The following GRK2 variants were observed in gnomAD, a reference collection of about 807,000 sequenced individuals.
The protein encoded by GRK2 is adrenergic beta receptor kinase 1.
In GRK2, 23 loss-of-function variants were observed where a neutral mutation model predicts 97.8. That is an observed-to-expected ratio of 0.24 (90% confidence interval 0.17 to 0.33). The LOEUF (loss-of-function observed/expected upper bound fraction) is 0.33. Ranked by LOEUF, GRK2 falls within the 10% of genes least tolerant of loss-of-function variation. The pLI, the probability that GRK2 is intolerant of heterozygous loss-of-function variation, is 1.00. For missense variants in GRK2, 633 were observed against 956.9 expected, an observed-to-expected ratio of 0.66 and a Z score of 4.47; for synonymous variants, 425 against 381.7, an observed-to-expected ratio of 1.11 and a Z score of -1.32.
Position 67,284,205 on chromosome 11 carries a change from G to C in GRK2, c.1492-6G>C. 1 of 1,613,554 alleles carries C rather than the reference G, an allele frequency of 6.2e-7. No homozygotes were observed. Among genetic ancestry groups the C allele is most frequent in the Non-Finnish European group, 8.5e-7 (1 of 1,179,954 alleles). ...CATGTGCCCCTGCCCCATCCACCTG[G>C]TAAAGTTACTGGACAGTGATCAGGA... On this transcript the variant is annotated splice_polypyrimidine_tract_variant and splice_region_variant and intron_variant, in intron 17 of 20. Coordinates refer to ENST00000308595, the MANE Select transcript of GRK2 (RefSeq NM_001619.5).
chr11:67,281,853 C>T lies in GRK2; in HGVS notation c.858C>T (p.His286=), dbSNP rs765135845. The change falls in exon 11 of 21, where the codon CAC becomes CAT. Residue 286 remains histidine, a synonymous_variant. Transcript: ENST00000308595. The surrounding 1 kb of genome is among the most constrained non-coding windows in gnomAD (Gnocchi z 5.7). ...GGDLHYHLSQ[H]GVFSEADMRF... is the part of the protein sequence containing the mutation. ...ACCTGCACTACCACCTCTCCCAGCA[C>T]GGGGTCTTCTCAGAGGCTGACATGC... is the stretch of plus-strand genomic sequence containing the variant. 15 of 1,613,710 alleles carry T rather than the reference C, an allele frequency of 9.3e-6. No individual in the cohort carries two copies. The highest frequency in any genetic ancestry group is 8.8e-5 in the South Asian group (8 of 91,086).
At chr11:67,275,669 C>T (rs1319721536) in intron 1 of GRK2, among the ~76,000 whole-genome samples, 1 of 152,246 alleles carries the variant, frequency 6.6e-6, no homozygotes, top group Non-Finnish European at 1.5e-5. Context: ...TGTGTGCCCT[C>T]TCTCCTGCCC....
rs2136503373 is a variant in GRK2 at position 67,282,302 on chromosome 11, A to C, written c.989A>C (p.His330Pro). Reference protein sequence around the residue: ...PANILLDEHGHVRISDLGLAC... With the variant: ...PANILLDEHGPVRISDLGLAC... ...AACATCCTTCTGGACGAGCATGGCC[A>C]CGTGCGGATCTCGGACCTGGGCCTG... The change falls in exon 12 of 21, where the codon CAC becomes CCC. Residue 330 changes from histidine (H) to proline (P), a missense_variant. By Grantham distance (77) the His-to-Pro change is moderately conservative (BLOSUM62 -2). Transcript: ENST00000308595. This position sits in a 1 kb window ranked among gnomAD's most constrained non-coding sequence, Gnocchi z 6.9. The C allele has an allele frequency of 6.2e-7, 1 of 1,613,562 alleles. No individual in the cohort carries two copies. The highest frequency in any genetic ancestry group is 1.7e-4 in the Middle Eastern group (1 of 6,060).
chr11:67,280,690 C>G (rs1430666265), intron 6 of GRK2, 42 bp from the exon 7 acceptor site: 1 of 1,612,822 alleles, frequency 6.2e-7, no homozygotes, highest in Non-Finnish European at 8.5e-7. Flanking sequence ...TCATCCTTCC[C>G]ACATTCTGAG....
chr11:67,275,416 C>T (rs957073900), intron 1 of GRK2, among the ~76,000 whole-genome samples: 3 of 152,214 alleles, frequency 2.0e-5, no homozygotes, highest in South Asian at 2.1e-4. Flanking sequence ...GAAGCCCTCA[C>T]GGGGCTGGCC....
At chr11:67,279,752 G>A (rs752560885) in intron 5 of GRK2, 52 bp downstream of exon 5, 3 of 1,613,174 alleles carry the variant, frequency 1.9e-6, no homozygotes, top group Non-Finnish European at 2.5e-6. Context: ...ACAGCCCCTG[G>A]TCAACAAGCC....
chr11:67,285,630 C>A lies in GRK2; in HGVS notation c.*180C>A. On this transcript the variant is annotated 3_prime_UTR_variant, in exon 21 of 21. Transcript: ENST00000308595. ...GGCTCCTGCTGCACCAACCCAGCCGCTGCCCGGCGCCCTCTGTCCTGACTT... is the reference window on the plus strand; with the variant it reads ...GGCTCCTGCTGCACCAACCCAGCCGATGCCCGGCGCCCTCTGTCCTGACTT... The A allele has an allele frequency of 1.3e-6, 1 of 745,076 alleles. No homozygotes were observed. Among genetic ancestry groups the A allele is most frequent in the Non-Finnish European group, 2.1e-6 (1 of 483,932 alleles). The allele number at this position is 745,076 out of a possible 1,614,324, so 46.2% of individuals were successfully genotyped here.
chr11:67,278,603 T>C (rs1386620125), intron 2 of GRK2, among the ~76,000 whole-genome samples: 1 of 152,174 alleles, frequency 6.6e-6, no homozygotes, highest in African/African-American at 2.4e-5. Flanking sequence ...CCCTGAGCCC[T>C]AGTTTCCCCA....
rs1417630605 is a variant in GRK2, at chr11:67,281,893, G to A, written c.898G>A (p.Glu300Lys). 1.2e-6 allele frequency: 2 copies of A among 1,613,566 alleles called. No homozygotes were observed. Among genetic ancestry groups the A allele is most frequent in the Admixed American group, 1.7e-5 (1 of 60,008 alleles). ...SEADMRFYAA[E>K]IILGLEHMHN... ...GGCTGACATGCGCTTCTATGCGGCC[G>A]AGATCATCCTGGGCCTGGAGCACAT... The change falls in exon 11 of 21, where the codon GAG becomes AAG. Residue 300 changes from glutamate (E) to lysine (K), a missense_variant. Glu to Lys is a moderately conservative substitution (Grantham distance 56). Transcript: ENST00000308595. The surrounding 1 kb of genome is among the most constrained non-coding windows in gnomAD (Gnocchi z 5.7).
chr11:67,272,165 C>T (rs960332777), intron 1 of GRK2, among the ~76,000 whole-genome samples: 1 of 152,194 alleles, frequency 6.6e-6, no homozygotes, highest in African/African-American at 2.4e-5. Flanking sequence ...GGGGGCTGCT[C>T]GTCTCCTACA....
intron 15 of GRK2, 114 bp from the exon 16 acceptor site, chr11:67,283,593 A>G (rs1439263998): frequency 4.0e-6 from 4 of 1,002,732 alleles, no homozygotes; most frequent in Non-Finnish European, 6.1e-6. Flanking sequence ...ATGAGGAAAC[A>G]GCTCAGGCTT....
At chr11:67,273,730 G>A (rs190641490) in intron 1 of GRK2, among the ~76,000 whole-genome samples, 36 of 152,290 alleles carry the variant, frequency 2.4e-4, no homozygotes, top group Admixed American at 5.2e-4. Flanking sequence ...AGAAAGTGGA[G>A]TGCTGTGGGC....
rs1382433857 is a variant in GRK2, at chr11:67,281,405, GCCC to G, written c.648-53_648-51del. ...TTTCCCTCAAGCGCCCCCTGAGGCA[GCCC>G]TGGGCCCCTGCTCTGAGGGTGGGTG... On this transcript the variant is annotated intron_variant, in intron 8 of 20. Transcript: ENST00000308595. The surrounding 1 kb of genome is among the most constrained non-coding windows in gnomAD (Gnocchi z 5.7). 1.4e-5 allele frequency: 22 copies of G among 1,530,470 alleles called. No individual in the cohort carries two copies. Among genetic ancestry groups the G allele is most frequent in the Non-Finnish European group, 1.9e-5 (21 of 1,107,266 alleles). 94.8% of individuals were successfully genotyped at this position (1,530,470 alleles called of 1,614,324 possible). A position where few individuals can be genotyped will look rare whatever the true frequency, so the allele number is the denominator to read the frequency against.
Position 67,282,112 on chromosome 11 carries a change from G to C in GRK2, c.958-159G>C, listed in dbSNP as rs1860165617. On this transcript the variant is annotated intron_variant, in intron 11 of 20. Coordinates refer to ENST00000308595, the MANE Select transcript of GRK2 (RefSeq NM_001619.5). This position sits in a 1 kb window ranked among gnomAD's most constrained non-coding sequence, Gnocchi z 6.9. Reference sequence around the variant, plus strand: ...CCCTTCCCACCGAGCCACTCTCTGGGTCCAGGTTGTAGCTGGGGACAGGAG... The same window carrying C: ...CCCTTCCCACCGAGCCACTCTCTGGCTCCAGGTTGTAGCTGGGGACAGGAG... The C allele has an allele frequency of 7.2e-6, 9 of 1,250,890 alleles. 1 individual carries two copies. In the South Asian group the frequency reaches 1.2e-4, roughly 17 times the overall value. 77.5% of individuals were successfully genotyped at this position (1,250,890 alleles called of 1,614,324 possible).
chr11:67,284,829 C>G lies in GRK2; in HGVS notation c.1655-18C>G, dbSNP rs1236203026. ...ACCCAGGTGGGGCCGGCTGAGTCTC[C>G]TCTGTCTCTCGCCTCAGACTACGCC... On this transcript the variant is annotated intron_variant, in intron 18 of 20. Transcript: ENST00000308595. The G allele has an allele frequency of 6.2e-7, 1 of 1,610,754 alleles. No individual in the cohort carries two copies. The highest frequency in any genetic ancestry group is 8.5e-7 in the Non-Finnish European group (1 of 1,179,318).
chr11:67,267,368 C>T (rs2136485952), intron 1 of GRK2, among the ~76,000 whole-genome samples: 1 of 152,396 alleles, frequency 6.6e-6, no homozygotes, highest in African/African-American at 2.4e-5. Context: ...GACAGCCAGT[C>T]TTCCGGACTC....
intron 1 of GRK2, among the ~76,000 whole-genome samples, chr11:67,267,158 C>CG (rs1859818945): frequency 2.6e-5 from 4 of 152,214 alleles, no homozygotes; most frequent in African/African-American, 9.6e-5. Flanking sequence ...CCTTCTCCCA[C>CG]GGGGGCCCGG....
rs1860263217 is a variant in GRK2, at chr11:67,285,642, C to T, written c.*192C>T. 1 of 683,586 alleles carries T rather than the reference C, an allele frequency of 1.5e-6. No individual in the cohort carries two copies. Among genetic ancestry groups the T allele is most frequent in the South Asian group, 2.1e-5 (1 of 47,034 alleles). The allele number at this position is 683,586 out of a possible 1,614,324, so 42.3% of individuals were successfully genotyped here. The stretch of plus-strand genomic sequence containing the variant: ...ACCAACCCAGCCGCTGCCCGGCGCC[C>T]TCTGTCCTGACTTCAGGGGCTGCCC... On this transcript the variant is annotated 3_prime_UTR_variant, in exon 21 of 21. Coordinates refer to ENST00000308595, the MANE Select transcript of GRK2 (RefSeq NM_001619.5).
intron 1 of GRK2, 88 bp from the exon 2 acceptor site, chr11:67,277,184 C>T (rs1247530413): frequency 7.6e-7 from 1 of 1,308,272 alleles, no homozygotes; most frequent in East Asian, 2.3e-5. Context: ...GTGGCGACAC[C>T]ACCACAGTGC....
Sources: allele counts gnomAD v4.1 joint callset (sites outside exome capture counted in the v4.1 genomes callset), GRCh38; gene constraint gnomAD v4.1.1; non-coding constraint Gnocchi (gnomAD v3.1); transcripts MANE v1.5; gene names NCBI Gene and HGNC (gene_info 2026-07-23, HGNC 2026-07-21).